CSMD1: variants seen among roughly 807,000 people sequenced by gnomAD.
CSMD1 encodes the protein CUB and Sushi multiple domains 1, also known as CUB and sushi domain-containing protein 1.
CSMD1 carries 213 observed loss-of-function variants against 417.5 expected under a neutral mutation model. The observed-to-expected ratio is 0.51, with a 90% CI of 0.46 to 0.57. The LOEUF is 0.57. Among genes scored for constraint, CSMD1 ranks in the 20% least tolerant of loss-of-function variants. CSMD1 has a pLI of 0.00. For missense variants in CSMD1, 6,923 were observed against 4,529.7 expected, an observed-to-expected ratio of 1.53 and a Z score of -15.17; for synonymous variants, 2,862 against 1,736.8, an observed-to-expected ratio of 1.65 and a Z score of -16.11.
chr8:3,196,081 G>A (rs944347265), intron 33 of CSMD1, among the ~76,000 whole-genome samples: 6 of 152,080 alleles, frequency 3.9e-5, no homozygotes, highest in Admixed American at 6.6e-5. Context: ...TAAAGAAGCC[G>A]GCCCAAATCC....
At chr8:3,885,521 G>T (rs1274882095) in intron 5 of CSMD1, among the ~76,000 whole-genome samples, 14 of 152,102 alleles carry the variant, frequency 9.2e-5, no homozygotes, top group Admixed American at 9.2e-4. Flanking sequence ...ATGGTCTGTT[G>T]TCTCAGAATA....
intron 5 of CSMD1, among the ~76,000 whole-genome samples, chr8:3,883,468 A>G (rs1174254075): frequency 1.3e-5 from 2 of 152,144 alleles, no homozygotes; most frequent in South Asian, 2.1e-4. Context: ...ATAAGTGTGT[A>G]TATATGTATA....
At chr8:4,115,969 TTTA>T (rs774024863) in intron 3 of CSMD1, among the ~76,000 whole-genome samples, 22 of 620 alleles carry the variant, frequency 0.035, no homozygotes, top group East Asian at 0.14. Context: ...CATTATTTTA[TTTA>T]TTTATTTATT....
At chr8:3,906,734 C>A (rs1268886896) in intron 5 of CSMD1, among the ~76,000 whole-genome samples, 1 of 151,684 alleles carries the variant, frequency 6.6e-6, no homozygotes. Flanking sequence ...AGATTTTCCT[C>A]ATCTTTGATA....
intron 18 of CSMD1, among the ~76,000 whole-genome samples, chr8:3,374,321 C>A (rs560317513): frequency 6.6e-6 from 1 of 152,210 alleles, no homozygotes; most frequent in African/African-American, 2.4e-5. Flanking sequence ...TCTATCCCAT[C>A]CTGCATTTAG....
intron 28 of CSMD1, 131 bp downstream of exon 28, chr8:3,223,598 G>C (rs1798332018): frequency 1.1e-6 from 1 of 871,810 alleles, no homozygotes; most frequent in South Asian, 1.9e-5. Flanking sequence ...GCCTGGTGTA[G>C]TCTCCATTAG....
chr8:4,395,539 T>G (rs561480896), intron 3 of CSMD1, among the ~76,000 whole-genome samples: 88 of 148,230 alleles, frequency 5.9e-4, no homozygotes, highest in African/African-American at 1.9e-3. Context: ...GTTTTTTTTT[T>G]GCCTGTCGTG....
chr8:4,316,439 T>A (rs1798933581), intron 3 of CSMD1, among the ~76,000 whole-genome samples: 1 of 152,180 alleles, frequency 6.6e-6, no homozygotes, highest in Admixed American at 6.6e-5. Context: ...TGATGTGAAA[T>A]AACTGTGGTT....
intron 2 of CSMD1, among the ~76,000 whole-genome samples, chr8:4,556,954 T>C (rs549388049): frequency 1.2e-4 from 18 of 152,370 alleles, no homozygotes; most frequent in African/African-American, 4.1e-4. Flanking sequence ...AACCTGTATC[T>C]GCTTTATGCT....
intron 18 of CSMD1, among the ~76,000 whole-genome samples, chr8:3,385,146 TATAA>T (rs1246929965): frequency 7.4e-6 from 1 of 134,896 alleles, no homozygotes; most frequent in Admixed American, 8.4e-5. Flanking sequence ...ATACATAATA[TATAA>T]ATATATAATA....
chr8:3,696,205 A>G (rs1227130782), intron 7 of CSMD1, among the ~76,000 whole-genome samples: 1 of 152,202 alleles, frequency 6.6e-6, no homozygotes, highest in African/African-American at 2.4e-5. Flanking sequence ...ATGCCCTTCA[A>G]ACAGACAGTT....
At chr8:3,544,602 C>T (rs938043573) in intron 10 of CSMD1, among the ~76,000 whole-genome samples, 1 of 152,012 alleles carries the variant, frequency 6.6e-6, no homozygotes, top group African/African-American at 2.4e-5. Flanking sequence ...GATCCCTTTC[C>T]AGTAACAAAG....
At chr8:3,889,756 T>G (rs1005824232) in intron 5 of CSMD1, among the ~76,000 whole-genome samples, 22 of 152,090 alleles carry the variant, frequency 1.4e-4, no homozygotes, top group Admixed American at 8.5e-4. Flanking sequence ...AGTATCACCT[T>G]AAGCATATGA....
chr8:3,293,450 C>A (rs1421482477), intron 25 of CSMD1, among the ~76,000 whole-genome samples: 1 of 152,224 alleles, frequency 6.6e-6, no homozygotes, highest in Non-Finnish European at 1.5e-5. Context: ...CTCCCTGTCA[C>A]TTTTAGGTAC....
chr8:4,076,615 G>C (rs973608672), intron 3 of CSMD1, among the ~76,000 whole-genome samples: 9 of 152,124 alleles, frequency 5.9e-5, no homozygotes, highest in African/African-American at 2.2e-4. Context: ...ACATTTGATA[G>C]TTGCCTGTTA....
intron 10 of CSMD1, among the ~76,000 whole-genome samples, chr8:3,495,368 A>C (rs377445346): frequency 1.3e-5 from 2 of 152,272 alleles, no homozygotes; most frequent in East Asian, 3.9e-4. Flanking sequence ...ATAATTCATT[A>C]AGGTTTGTGT....
chr8:4,864,648 CA>C (rs975945912), intron 1 of CSMD1, among the ~76,000 whole-genome samples: 4 of 151,528 alleles, frequency 2.6e-5, no homozygotes, highest in African/African-American at 9.7e-5. Context: ...AATGAATACA[CA>C]CAAGCAGATA....
Position 3,125,960 on chromosome 8 carries a change from G to GAGTT in CSMD1, c.6242-7377_6242-7374dup, listed in dbSNP as rs1369799436. ...CCACTGCACTCCAGCATGGGTGACA[G>GAGTT]AGTTAGACTCCACCTCAAAAAAAGA... On this transcript the variant is annotated intron_variant, in intron 41 of 69. Coordinates refer to ENST00000635120, the MANE Select transcript of CSMD1 (RefSeq NM_033225.6). Among the ~76,000 whole-genome samples the GAGTT allele has an allele frequency of 7.4e-4, 113 of 152,274 alleles. 1 individual carries two copies. Among genetic ancestry groups the GAGTT allele is most frequent in the African/African-American group, 2.5e-3 (102 of 41,564 alleles).
intron 1 of CSMD1, among the ~76,000 whole-genome samples, chr8:4,707,782 G>C (rs1009431262): frequency 6.6e-6 from 1 of 151,662 alleles, no homozygotes; most frequent in Non-Finnish European, 1.5e-5. Context: ...AGCTACTCGG[G>C]AGGCTGAAGC....
Sources: gnomAD v4.1 joint callset for allele counts (sites outside exome capture counted in the v4.1 genomes callset) on GRCh38, gnomAD v4.1.1 for gene constraint, MANE v1.5 for transcripts, NCBI Gene and HGNC (gene_info 2026-07-23, HGNC 2026-07-21) for gene names.